Variants in SIK3 observed in about 807,000 individuals in gnomAD.
The protein encoded by SIK3 is SIK family kinase 3.
Under a neutral mutation model 144.2 loss-of-function variants are expected in SIK3, and 28 were observed. The ratio of observed to expected loss-of-function variants is 0.19; its 90% CI spans 0.14 to 0.27. The LOEUF (loss-of-function observed/expected upper bound fraction) is 0.27, where lower values mean the gene tolerates loss of function less well. SIK3 is among the 10% of genes least tolerant of loss of function. The pLI is 1.00. For missense variants in SIK3, 1,319 were observed against 1,776.0 expected, an observed-to-expected ratio of 0.74 and a Z score of 4.62; for synonymous variants, 686 against 676.3, an observed-to-expected ratio of 1.01 and a Z score of -0.22.
At chr11:117,000,316 T>C (rs1360024469) in intron 1 of SIK3, among the ~76,000 whole-genome samples, 14 of 152,214 alleles carry the variant, frequency 9.2e-5, no homozygotes, top group Admixed American at 9.2e-4. Flanking sequence ...CACAGGAGAC[T>C]TGACACAATA....
At chr11:116,946,491 G>A (rs763277286) in intron 3 of SIK3, among the ~76,000 whole-genome samples, 1 of 152,186 alleles carries the variant, frequency 6.6e-6, no homozygotes, top group Non-Finnish European at 1.5e-5. Context: ...CATTATAGGA[G>A]AGGAACCCTG....
intron 1 of SIK3, among the ~76,000 whole-genome samples, chr11:117,014,939 C>T (rs915229663): frequency 6.6e-6 from 1 of 152,034 alleles, no homozygotes; most frequent in African/African-American, 2.4e-5. Context: ...TAGTGTGCAC[C>T]TTTAGTCCCA....
chr11:116,868,013 G>A lies in SIK3; in HGVS notation c.1885C>T (p.Arg629Trp), dbSNP rs925785269. The A allele has an allele frequency of 2.2e-5, 34 of 1,550,508 alleles. No homozygotes were observed. Among genetic ancestry groups the A allele is most frequent in the African/African-American group, 5.5e-5 (4 of 73,050 alleles). Residue 629 changes from arginine to tryptophan, a missense_variant, in exon 15 of 25, where the codon CGG becomes TGG. Coordinates refer to ENST00000445177, the MANE Select transcript of SIK3 (RefSeq NM_001366686.3). ...CGGAAAGGCTGCTGTCCTAGCTGCC[G>A]TTGTAGGTCCGGTGGGATCTCAGCT... ...PTAEIPPDLQ[R>W]QLGQQPFRSR...
At chr11:117,013,967 C>CTTTTTTTTTTTTTTTTTT (rs1951406146) in intron 1 of SIK3, among the ~76,000 whole-genome samples, 1 of 7,374 alleles carries the variant, frequency 1.4e-4, no homozygotes, top group Non-Finnish European at 3.3e-4. Context: ...TTCTTTTTTT[C>CTTTTTTTTTTTTTTTTTT]TTTTCTTTTT....
chr11:116,898,211 G>T (rs1367194222), intron 4 of SIK3, among the ~76,000 whole-genome samples: 1 of 151,596 alleles, frequency 6.6e-6, no homozygotes, highest in African/African-American at 2.4e-5. Flanking sequence ...ACCTATGAGT[G>T]AGAACATGCG....
At position 116,950,626 on chromosome 11, in the gene SIK3, C is replaced by CT. The variant is rs533210380; in HGVS notation, c.454+3417dup. On this transcript the variant is annotated intron_variant, in intron 3 of 24. Transcript: ENST00000445177. ...AGTAACCAATACACTGTTCAGACTTCTTAAGCCCTTCTGTCCATAAGCCAA... is the reference window on the plus strand; with the variant it reads ...AGTAACCAATACACTGTTCAGACTTCTTTAAGCCCTTCTGTCCATAAGCCAA... 2.3e-3 allele frequency among the ~76,000 whole-genome samples: 352 copies of CT among 152,340 alleles called. 3 individuals carry two copies. Among genetic ancestry groups the CT allele is most frequent in the African/African-American group, 7.3e-3 (303 of 41,572 alleles).
intron 1 of SIK3, among the ~76,000 whole-genome samples, chr11:117,003,457 C>T (rs1418260603): frequency 2.0e-5 from 3 of 151,898 alleles, no homozygotes; most frequent in Non-Finnish European, 4.4e-5. Context: ...CCTGAAAGTA[C>T]CTCATAAGGT....
intron 3 of SIK3, among the ~76,000 whole-genome samples, chr11:116,936,516 C>T (rs1170047146): frequency 6.6e-6 from 1 of 152,298 alleles, no homozygotes; most frequent in East Asian, 1.9e-4. Context: ...TAACCTAGTT[C>T]TCCTCCTGAA....
At chr11:117,076,705 T>C (rs1031124648) in intron 1 of SIK3, among the ~76,000 whole-genome samples, 1 of 151,990 alleles carries the variant, frequency 6.6e-6, no homozygotes, top group Admixed American at 6.6e-5. Context: ...AATTTTTGTA[T>C]TTTTATTTTG....
intron 4 of SIK3, among the ~76,000 whole-genome samples, chr11:116,921,243 A>C (rs1160247116): frequency 6.6e-6 from 1 of 152,220 alleles, no homozygotes; most frequent in Admixed American, 6.5e-5. Context: ...CTTTTTTAAT[A>C]AGATATATTT....
intron 1 of SIK3, among the ~76,000 whole-genome samples, chr11:117,067,479 T>A (rs562229105): frequency 6.6e-6 from 1 of 152,106 alleles, no homozygotes; most frequent in Admixed American, 6.5e-5. Context: ...AAAACTAACC[T>A]ATGGTGACAG....
At chr11:117,054,595 A>G (rs1205692570) in intron 1 of SIK3, among the ~76,000 whole-genome samples, 2 of 152,142 alleles carry the variant, frequency 1.3e-5, no homozygotes, top group African/African-American at 2.4e-5. Context: ...AAGAAATGAT[A>G]AGGAGTGGTT....
intron 1 of SIK3, among the ~76,000 whole-genome samples, chr11:117,059,579 G>C (rs1953705508): frequency 6.6e-6 from 1 of 152,142 alleles, no homozygotes; most frequent in South Asian, 2.1e-4. Context: ...ACAAGCCACA[G>C]GCTAGAAGAA....
chr11:116,880,086 T>C (rs993177444), intron 6 of SIK3, among the ~76,000 whole-genome samples: 1 of 152,198 alleles, frequency 6.6e-6, no homozygotes, highest in Admixed American at 6.5e-5. Context: ...TGAATGGTGT[T>C]CAGTTACAGG....
intron 6 of SIK3, chr11:116,893,743 C>G (rs1565418769): frequency 1.3e-5 from 2 of 152,476 alleles, no homozygotes; most frequent in Non-Finnish European, 2.9e-5. Context: ...TTAATCACTG[C>G]TGGGCAGTGA....
At chr11:116,876,852 A>G (rs553462330) in intron 7 of SIK3, 72 bp downstream of exon 7, 2 of 1,261,988 alleles carry the variant, frequency 1.6e-6, no homozygotes, top group African/African-American at 2.9e-5. Context: ...TTATGGCCTG[A>G]TTACAATCAC....
chr11:117,020,246 T>TATATATATATATATATATATACACAC, intron 1 of SIK3, among the ~76,000 whole-genome samples: 2 of 127,300 alleles, frequency 1.6e-5, no homozygotes, highest in African/African-American at 3.5e-5. Flanking sequence ...CATATATATA[T>TATATATATATATATATATATACACAC]ACACATACAT....
chr11:117,081,231 G>A (rs1565625082), intron 1 of SIK3, among the ~76,000 whole-genome samples: 2 of 151,956 alleles, frequency 1.3e-5, no homozygotes. Flanking sequence ...GAGAGATGAG[G>A]AACTTTCACT....
intron 1 of SIK3, among the ~76,000 whole-genome samples, chr11:117,043,429 A>C (rs150676633): frequency 6.6e-6 from 1 of 152,320 alleles, no homozygotes; most frequent in African/African-American, 2.4e-5. Context: ...AATGAGGCTT[A>C]AGAGGCTTAA....
Sources: allele counts gnomAD v4.1 joint callset (sites outside exome capture counted in the v4.1 genomes callset), GRCh38; gene constraint gnomAD v4.1.1; transcripts MANE v1.5; gene names NCBI Gene and HGNC (gene_info 2026-07-23, HGNC 2026-07-21).